Variants in GRB10 observed in about 807,000 individuals in gnomAD.
GRB10 encodes growth factor receptor-bound protein 10.
A neutral mutation model predicts 80.9 loss-of-function variants in GRB10; 20 were observed. The ratio of observed to expected loss-of-function variants is 0.25; its 90% CI spans 0.17 to 0.36. The LOEUF is 0.36. Ranked by LOEUF, GRB10 falls within the 10% of genes least tolerant of loss-of-function variation. GRB10 has a pLI of 1.00. For missense variants in GRB10, 548 were observed against 747.7 expected (o/e 0.73, Z 3.12); for synonymous variants, 291 against 291.5 (o/e 1.00, Z 0.02).
chr7:50,698,469 T>C (rs1425015131), intron 5 of GRB10, among the ~76,000 whole-genome samples: 2 of 152,374 alleles, frequency 1.3e-5, no homozygotes, highest in African/African-American at 4.8e-5. Flanking sequence ...CTTTCACTTT[T>C]AATTATTTAA....
chr7:50,688,340 G>A (rs1379979344), intron 5 of GRB10, among the ~76,000 whole-genome samples: 1 of 152,218 alleles, frequency 6.6e-6, no homozygotes, highest in Non-Finnish European at 1.5e-5. Flanking sequence ...AGTATGACAG[G>A]TCTGGGGGAG....
intron 5 of GRB10, among the ~76,000 whole-genome samples, chr7:50,693,008 A>C (rs2063005001): frequency 1.3e-5 from 2 of 152,174 alleles, no homozygotes; most frequent in Non-Finnish European, 2.9e-5. Flanking sequence ...GTTCTAGCAC[A>C]GGCCTCAAAG....
Position 50,590,901 on chromosome 7 carries a change from T to C in GRB10, c.*2051A>G, listed in dbSNP as rs528106755. On this transcript the variant is annotated 3_prime_UTR_variant, in exon 19 of 19. Coordinates refer to ENST00000401949, the MANE Select transcript of GRB10 (RefSeq NM_001350814.2). ...TTAAATAAACGCATATTTATAAATA[T>C]GAAATACTGCAAATACAAGCTGTCT... The C allele has an allele frequency of 1.3e-5, 2 of 152,354 alleles. No individual in the cohort carries two copies. The highest frequency in any genetic ancestry group is 6.5e-5 in the Admixed American group (1 of 15,306). 9.4% of individuals were successfully genotyped at this position (152,354 alleles called of 1,614,324 possible).
chr7:50,641,781 C>T (rs2056310764), intron 7 of GRB10, among the ~76,000 whole-genome samples: 1 of 152,264 alleles, frequency 6.6e-6, no homozygotes, highest in Middle Eastern at 3.4e-3. Context: ...GTGACACTGG[C>T]GAGAGAAGGC....
intron 7 of GRB10, among the ~76,000 whole-genome samples, chr7:50,648,928 T>C (rs2057629483): frequency 6.6e-6 from 1 of 152,078 alleles, no homozygotes. Context: ...TCCTGATGGA[T>C]GCATTGGTTA....
chr7:50,704,041 AT>A, intron 4 of GRB10, 133 bp from the exon 5 acceptor site: 1 of 655,308 alleles, frequency 1.5e-6, no homozygotes. Flanking sequence ...TACTTTTTCC[AT>A]TTTCAATGAT....
rs71018485 is a variant in GRB10, at chr7:50,777,429, T to TACACACACACACACACAC, written c.-217+3180_-217+3197dup. On this transcript the variant is annotated intron_variant, in intron 2 of 18. Coordinates refer to ENST00000401949, the MANE Select transcript of GRB10 (RefSeq NM_001350814.2). ...TACATTCAGACCACAGCAATCTGTA[T>TACACACACACACACACAC]ACACACACACACACACACACACACA... Among the ~76,000 whole-genome samples the TACACACACACACACACAC allele has an allele frequency of 9.5e-3, 1,389 of 146,228 alleles. 26 individuals carry two copies. The highest frequency in any genetic ancestry group is 0.063 in the East Asian group (313 of 4,948).
At chr7:50,688,342 CT>C (rs1263229833) in intron 5 of GRB10, among the ~76,000 whole-genome samples, 2 of 152,098 alleles carry the variant, frequency 1.3e-5, no homozygotes, top group African/African-American at 2.4e-5. Flanking sequence ...TATGACAGGT[CT>C]GGGGGAGAAG....
chr7:50,756,245 C>T (rs2075062478), intron 2 of GRB10, among the ~76,000 whole-genome samples, 189 bp from the exon 3 acceptor site: 1 of 152,242 alleles, frequency 6.6e-6, no homozygotes. Flanking sequence ...CTAGTTGTCA[C>T]ATGATGCCCA....
intron 13 of GRB10, among the ~76,000 whole-genome samples, chr7:50,611,168 T>C (rs142871846): frequency 6.6e-6 from 1 of 152,360 alleles, no homozygotes; most frequent in Non-Finnish European, 1.5e-5. Flanking sequence ...CACACAATGT[T>C]CATGAGCATA....
chr7:50,672,333 C>T (rs942861600), intron 6 of GRB10, among the ~76,000 whole-genome samples: 5 of 152,144 alleles, frequency 3.3e-5, no homozygotes, highest in African/African-American at 1.2e-4. Context: ...AGCTGGGAAG[C>T]GAGGGTAACC....
chr7:50,764,521 T>C (rs988797985), intron 2 of GRB10, among the ~76,000 whole-genome samples: 4 of 152,118 alleles, frequency 2.6e-5, no homozygotes, highest in Non-Finnish European at 4.4e-5. Context: ...TCCTCCAGCA[T>C]GGAAAGCAGC....
At chr7:50,715,547 C>T (rs1398868014) in intron 4 of GRB10, among the ~76,000 whole-genome samples, 1 of 152,106 alleles carries the variant, frequency 6.6e-6, no homozygotes, top group Non-Finnish European at 1.5e-5. Flanking sequence ...GTGGCATGAG[C>T]CAAATGTTTA....
At chr7:50,790,990 C>G (rs2078890555) in intron 1 of GRB10, among the ~76,000 whole-genome samples, 1 of 152,212 alleles carries the variant, frequency 6.6e-6, no homozygotes, top group African/African-American at 2.4e-5. Context: ...TGGGTCAGGG[C>G]TGCCCTTGGT....
rs181986615 is a variant in GRB10 at position 50,792,747 on chromosome 7, G to A, written c.-294+477C>T. 4.7e-3 allele frequency: 1,297 copies of A among 275,282 alleles called. 18 individuals carry two copies. The highest frequency in any genetic ancestry group is 0.026 in the African/African-American group (1,164 of 44,724). 17.1% of individuals were successfully genotyped at this position (275,282 alleles called of 1,614,324 possible). A position where few individuals can be genotyped will look rare whatever the true frequency, so the allele number is the denominator to read the frequency against. On this transcript the variant is annotated intron_variant, in intron 1 of 16. Transcript: ENST00000335866. Reference sequence around the variant, plus strand: ...CCGGACGCCCGGGCGCGCGCGCCGCGGCCCCGCCGCGCAGTCGGAGCACCC... The same window carrying A: ...CCGGACGCCCGGGCGCGCGCGCCGCAGCCCCGCCGCGCAGTCGGAGCACCC...
chr7:50,752,881 A>G (rs969034753), intron 3 of GRB10, among the ~76,000 whole-genome samples: 11 of 152,234 alleles, frequency 7.2e-5, no homozygotes, highest in African/African-American at 2.4e-4. Flanking sequence ...GACAGAGGAA[A>G]GCTAAGCTAT....
At chr7:50,605,489 T>C (rs1585552713) in intron 14 of GRB10, 83 bp from the exon 15 acceptor site, 1 of 1,137,272 alleles carries the variant, frequency 8.8e-7, no homozygotes. Flanking sequence ...ATCAAGACGG[T>C]CAGGAAAGGG....
intron 17 of GRB10, among the ~76,000 whole-genome samples, chr7:50,602,224 A>G (rs2047732070): frequency 6.6e-6 from 1 of 152,244 alleles, no homozygotes. Flanking sequence ...AAGGAATTAG[A>G]AAATGATGAT....
At chr7:50,611,269 TGTTA>T (rs1451523584) in intron 13 of GRB10, among the ~76,000 whole-genome samples, 1 of 152,228 alleles carries the variant, frequency 6.6e-6, no homozygotes, top group African/African-American at 2.4e-5. Flanking sequence ...GCTTTTTAAT[TGTTA>T]GTAATTTTTC....
Sources: gnomAD v4.1 joint callset for allele counts (sites outside exome capture counted in the v4.1 genomes callset) on GRCh38, gnomAD v4.1.1 for gene constraint, MANE v1.5 for transcripts, NCBI Gene and HGNC (gene_info 2026-07-23, HGNC 2026-07-21) for gene names.